ADAMTS6: variants seen among roughly 807,000 people sequenced by gnomAD.
ADAMTS6 encodes the protein ADAM metallopeptidase with thrombospondin type 1 motif 6.
ADAMTS6 carries 23 observed loss-of-function variants against 144.3 expected under a neutral mutation model. The observed-to-expected ratio is 0.16, with a 90% confidence interval of 0.11 to 0.23. The LOEUF is 0.23. Ranked by LOEUF, ADAMTS6 falls within the 10% of genes least tolerant of loss-of-function variation. The pLI is 1.00. For synonymous variants in ADAMTS6, 444 were observed against 457.5 expected, an observed-to-expected ratio of 0.97 and a Z score of 0.38; for missense variants, 999 against 1,379.6, an observed-to-expected ratio of 0.72 and a Z score of 4.37.
chr5:65,258,356 G>T (rs1760876339), intron 14 of ADAMTS6, among the ~76,000 whole-genome samples: 1 of 152,166 alleles, frequency 6.6e-6, no homozygotes, highest in Non-Finnish European at 1.5e-5. Flanking sequence ...GTTTAAGGAA[G>T]GGGACCTATG....
At chr5:65,263,324 T>C in intron 12 of ADAMTS6, among the ~76,000 whole-genome samples, 1 of 151,884 alleles carries the variant, frequency 6.6e-6, no homozygotes, top group East Asian at 1.9e-4. Flanking sequence ...AATTTTTCTT[T>C]ATATTTCACT....
At chr5:65,191,258 G>T (rs760217432) in intron 21 of ADAMTS6, among the ~76,000 whole-genome samples, 17 of 152,122 alleles carry the variant, frequency 1.1e-4, no homozygotes, top group Non-Finnish European at 2.4e-4. Context: ...TCTGTAATCT[G>T]ACCTACAGTC....
chr5:65,169,904 G>A (rs1753498154), intron 24 of ADAMTS6, among the ~76,000 whole-genome samples: 1 of 115,088 alleles, frequency 8.7e-6, no homozygotes, highest in East Asian at 3.0e-4. Context: ...GGGGAGGGGG[G>A]AGGGATAGCA....
chr5:65,283,513 A>G (rs1466246759), intron 11 of ADAMTS6, among the ~76,000 whole-genome samples: 1 of 152,132 alleles, frequency 6.6e-6, no homozygotes. Context: ...AAAAACTAGT[A>G]ATCTTTAAAG....
chr5:65,321,388 A>AT (rs998981625), intron 9 of ADAMTS6, among the ~76,000 whole-genome samples: 7 of 149,156 alleles, frequency 4.7e-5, no homozygotes, highest in African/African-American at 1.2e-4. Flanking sequence ...TTTAATGGGG[A>AT]TTTTTTTTTC....
intron 7 of ADAMTS6, among the ~76,000 whole-genome samples, chr5:65,430,784 C>T (rs1756940619): frequency 6.6e-6 from 1 of 152,140 alleles, no homozygotes; most frequent in South Asian, 2.1e-4. Context: ...CTCATTTACA[C>T]ATGTTTTTTT....
chr5:65,398,452 C>T (rs915978100), intron 7 of ADAMTS6, among the ~76,000 whole-genome samples: 4 of 152,140 alleles, frequency 2.6e-5, no homozygotes, highest in Admixed American at 6.5e-5. Flanking sequence ...TGGCCGGGTG[C>T]GGTGGCTCAC....
At chr5:65,263,887 TG>T in intron 12 of ADAMTS6, among the ~76,000 whole-genome samples, 1 of 152,322 alleles carries the variant, frequency 6.6e-6, no homozygotes, top group Middle Eastern at 3.4e-3. Flanking sequence ...TCAGCAAAGT[TG>T]AACAAATGTC....
At chr5:65,426,203 T>A (rs1306731122) in intron 7 of ADAMTS6, among the ~76,000 whole-genome samples, 1 of 148,558 alleles carries the variant, frequency 6.7e-6, no homozygotes, top group African/African-American at 2.5e-5. Flanking sequence ...CCTGCCACCA[T>A]GCCTGGCTAA....
chr5:65,163,675 A>G (rs1752929069), intron 24 of ADAMTS6, among the ~76,000 whole-genome samples: 1 of 152,204 alleles, frequency 6.6e-6, no homozygotes, highest in Admixed American at 6.5e-5. Context: ...AATATTAACA[A>G]ATTATTTGAC....
intron 10 of ADAMTS6, chr5:65,297,361 T>C (rs1432064283): frequency 2.5e-6 from 1 of 393,424 alleles, no homozygotes; most frequent in Non-Finnish European, 4.9e-6. Context: ...AGTTTTCAGT[T>C]GAACATAGTG....
At chr5:65,412,448 ACAC>A (rs1283003348) in intron 7 of ADAMTS6, among the ~76,000 whole-genome samples, 3 of 152,064 alleles carry the variant, frequency 2.0e-5, no homozygotes, top group Non-Finnish European at 2.9e-5. Flanking sequence ...ACACGCACAC[ACAC>A]AATACTTGAC....
intron 22 of ADAMTS6, among the ~76,000 whole-genome samples, chr5:65,177,316 T>C (rs1294798159): frequency 1.3e-5 from 2 of 152,238 alleles, no homozygotes; most frequent in Non-Finnish European, 2.9e-5. Flanking sequence ...CCTCGCTCTA[T>C]TGCTGACCAT....
intron 14 of ADAMTS6, among the ~76,000 whole-genome samples, chr5:65,253,455 T>G (rs1378750193): frequency 6.6e-6 from 1 of 152,232 alleles, no homozygotes; most frequent in African/African-American, 2.4e-5. Context: ...GATTGTTATC[T>G]AGTCCTTGAC....
At chr5:65,462,715 T>C (rs1303756200) in intron 3 of ADAMTS6, among the ~76,000 whole-genome samples, 1 of 152,212 alleles carries the variant, frequency 6.6e-6, no homozygotes, top group African/African-American at 2.4e-5. Flanking sequence ...TACTATGCTA[T>C]GTGGTAGGGA....
chr5:65,214,875 G>T lies in ADAMTS6; in HGVS notation c.2494C>A (p.Arg832=). Reference sequence around the variant, plus strand: ...ACTTCATTATCTCCACTGCCAGTTCGAGTGATGGGAACATTGAACTTATAC... The same window carrying T: ...ACTTCATTATCTCCACTGCCAGTTCTAGTGATGGGAACATTGAACTTATAC... ...IRYKFNVPIT[R]TGSGDNEVGF... Residue 832 remains arginine, a synonymous_variant, in exon 20 of 25, where the codon CGA becomes AGA. Transcript: ENST00000381055. The surrounding 1 kb of genome is among the most constrained non-coding windows in gnomAD (Gnocchi z 4.6). 3.1e-6 allele frequency: 5 copies of T among 1,614,094 alleles called. No homozygotes were observed. Among genetic ancestry groups the T allele is most frequent in the African/African-American group, 1.3e-5 (1 of 75,032 alleles).
At chr5:65,265,593 T>C (rs943567090) in intron 12 of ADAMTS6, among the ~76,000 whole-genome samples, 1 of 152,006 alleles carries the variant, frequency 6.6e-6, no homozygotes, top group Admixed American at 6.6e-5. Flanking sequence ...TTTCCCTGTC[T>C]GCAATTAATG....
At chr5:65,312,142 T>C (rs1658635772) in intron 9 of ADAMTS6, among the ~76,000 whole-genome samples, 1 of 152,054 alleles carries the variant, frequency 6.6e-6, no homozygotes, top group Admixed American at 6.6e-5. Flanking sequence ...AAGAACAGTT[T>C]CCTCATGCTG....
At chr5:65,357,387 A>G (rs1749417849) in intron 7 of ADAMTS6, among the ~76,000 whole-genome samples, 1 of 151,784 alleles carries the variant, frequency 6.6e-6, no homozygotes, top group Non-Finnish European at 1.5e-5. Flanking sequence ...AGGAAAGTAT[A>G]TAGCAATAGA....
Sources: allele counts gnomAD v4.1 joint callset (sites outside exome capture counted in the v4.1 genomes callset), GRCh38; gene constraint gnomAD v4.1.1; non-coding constraint Gnocchi (gnomAD v3.1); transcripts MANE v1.5; gene names NCBI Gene and HGNC (gene_info 2026-07-23, HGNC 2026-07-21).